Variants in LRP1B observed in about 807,000 individuals in gnomAD.
LRP1B encodes the protein low-density lipoprotein receptor-related protein 1B.
Under a neutral mutation model 556.6 loss-of-function variants are expected in LRP1B, and 217 were observed. The observed-to-expected ratio is 0.39, with a 90% confidence interval of 0.35 to 0.44. The LOEUF (loss-of-function observed/expected upper bound fraction) is 0.44, where lower values mean the gene tolerates loss of function less well. Among genes scored for constraint, LRP1B ranks in the 20% least tolerant of loss-of-function variants. The pLI is 1.00. For synonymous variants in LRP1B, 2,047 were observed against 1,865.8 expected (o/e 1.10, Z -2.50); for missense variants, 5,053 against 5,620.8 (o/e 0.90, Z 3.23).
At chr2:140,954,935 T>C (rs1006269925) in intron 18 of LRP1B, among the ~76,000 whole-genome samples, 8 of 151,996 alleles carry the variant, frequency 5.3e-5, no homozygotes, top group African/African-American at 1.9e-4. Flanking sequence ...AGAGAGTAAT[T>C]ATTTAAAGAG....
intron 7 of LRP1B, among the ~76,000 whole-genome samples, chr2:141,062,684 G>C (rs868401786): frequency 6.6e-6 from 1 of 151,744 alleles, no homozygotes; most frequent in African/African-American, 2.4e-5. Flanking sequence ...GGTAATGTTT[G>C]TGTCTTATAA....
Position 140,931,726 on chromosome 2 carries a change from TA to T in LRP1B, c.3137-8580del, listed in dbSNP as rs1229585878. Among the ~76,000 whole-genome samples, 14 of 152,268 alleles carry T rather than the reference TA, an allele frequency of 9.2e-5. No homozygotes were observed. The East Asian group carries it at 2.7e-3, about 29-fold the overall frequency. On this transcript the variant is annotated intron_variant, in intron 20 of 90. Transcript: ENST00000389484. ...TACATAAAACATTGATTTAGTTAAT[TA>T]AAATTTTATGTTTTGACATCTAGAA...
rs562793014 is a variant in LRP1B, at chr2:141,352,504, C to A, written c.344-97863G>T. Among the ~76,000 whole-genome samples, 6 of 151,932 alleles carry A rather than the reference C, an allele frequency of 3.9e-5. 1 individual carries two copies. In the Middle Eastern group the frequency reaches 0.01, roughly 258 times the overall value. Reference sequence around the variant, plus strand: ...ACATCTTATATAACCATAGAGTAAGCACCTTTTGGTTCTCAGAAAAGATGC... The same window carrying A: ...ACATCTTATATAACCATAGAGTAAGAACCTTTTGGTTCTCAGAAAAGATGC... On this transcript the variant is annotated intron_variant, in intron 3 of 90. Transcript: ENST00000389484.
intron 3 of LRP1B, among the ~76,000 whole-genome samples, chr2:141,342,217 C>G (rs1688089933): frequency 7.1e-6 from 1 of 140,344 alleles, no homozygotes. Context: ...GCACTCCAGC[C>G]AGGGTGACAG....
intron 1 of LRP1B, among the ~76,000 whole-genome samples, chr2:141,842,868 T>C (rs1697522897): frequency 6.6e-6 from 1 of 152,180 alleles, no homozygotes; most frequent in East Asian, 1.9e-4. Flanking sequence ...ATCAGTCGTA[T>C]TGATCACATT....
At chr2:142,095,795 T>G (rs965140154) in intron 1 of LRP1B, among the ~76,000 whole-genome samples, 3 of 151,818 alleles carry the variant, frequency 2.0e-5, no homozygotes, top group African/African-American at 7.2e-5. Context: ...AATGTGATTA[T>G]TTTTACAAGG....
intron 79 of LRP1B, 68 bp from the exon 80 acceptor site, chr2:140,325,946 GCTT>G (rs1371493583): frequency 5.1e-6 from 5 of 982,142 alleles, no homozygotes; most frequent in Non-Finnish European, 8.1e-6. Context: ...TCATACTTTT[GCTT>G]CTTATTGTAT....
At chr2:141,488,839 C>G (rs533706198) in intron 2 of LRP1B, among the ~76,000 whole-genome samples, 1 of 151,940 alleles carries the variant, frequency 6.6e-6, no homozygotes, top group Non-Finnish European at 1.5e-5. Flanking sequence ...GTAACAAGTG[C>G]CTTAAAAATT....
Position 141,146,862 on chromosome 2 carries a change from C to T in LRP1B, c.1013+41559G>A, listed in dbSNP as rs192843181. On this transcript the variant is annotated intron_variant, in intron 7 of 90. Coordinates refer to ENST00000389484, the MANE Select transcript of LRP1B (RefSeq NM_018557.3). Reference sequence around the variant, plus strand: ...ATGAAAACAGTAACAAGTAAAAAGACGAGCTGTGCTGGTTTCTCTCTATTT... The same window carrying T: ...ATGAAAACAGTAACAAGTAAAAAGATGAGCTGTGCTGGTTTCTCTCTATTT... Among the ~76,000 whole-genome samples the T allele has an allele frequency of 2.6e-4, 40 of 152,234 alleles. 1 individual carries two copies. The South Asian group carries it at 5.0e-3, about 19-fold the overall frequency.
intron 3 of LRP1B, among the ~76,000 whole-genome samples, chr2:141,391,556 G>A (rs750774679): frequency 6.6e-6 from 1 of 152,042 alleles, no homozygotes; most frequent in African/African-American, 2.4e-5. Flanking sequence ...CATACACCAT[G>A]GTAATTGATT....
chr2:140,336,529 G>T (rs559599542), intron 77 of LRP1B, among the ~76,000 whole-genome samples: 2 of 151,718 alleles, frequency 1.3e-5, no homozygotes, highest in Non-Finnish European at 2.9e-5. Context: ...AGCAATTTAC[G>T]ATCTTTTCAG....
intron 41 of LRP1B, among the ~76,000 whole-genome samples, chr2:140,651,895 G>A (rs888584379): frequency 1.3e-5 from 2 of 152,002 alleles, no homozygotes; most frequent in Non-Finnish European, 2.9e-5. Flanking sequence ...TAGATAACAT[G>A]GTTCTAACAT....
At chr2:140,737,656 C>T (rs572658017) in intron 35 of LRP1B, among the ~76,000 whole-genome samples, 1 of 152,288 alleles carries the variant, frequency 6.6e-6, no homozygotes, top group East Asian at 1.9e-4. Context: ...ACTATTCAAC[C>T]CAGATGGTCA....
At chr2:142,080,821 A>G (rs1266824660) in intron 1 of LRP1B, among the ~76,000 whole-genome samples, 1 of 152,176 alleles carries the variant, frequency 6.6e-6, no homozygotes, top group Non-Finnish European at 1.5e-5. Flanking sequence ...CACAGGTAAA[A>G]CAAGGAGGCT....
rs1173280427 is a variant in LRP1B, at chr2:142,130,818, A to G, written c.-89T>C. The G allele has an allele frequency of 5.0e-6, 5 of 996,762 alleles. No homozygotes were observed. The highest frequency in any genetic ancestry group is 4.1e-4 in the Middle Eastern group (2 of 4,832). The allele number at this position is 996,762 out of a possible 1,614,324, so 61.7% of individuals were successfully genotyped here. On this transcript the variant is annotated 5_prime_UTR_variant, in exon 1 of 91. Transcript: ENST00000389484. Reference sequence around the variant, plus strand: ...GGCGGCGGCGGCAGGGGCCGCTTGGAGCCTGGAATCGAGCGGCGTCATTTA... The same window carrying G: ...GGCGGCGGCGGCAGGGGCCGCTTGGGGCCTGGAATCGAGCGGCGTCATTTA...
chr2:140,893,439 A>G (rs1161718279), intron 23 of LRP1B, among the ~76,000 whole-genome samples: 3 of 152,194 alleles, frequency 2.0e-5, no homozygotes, highest in African/African-American at 7.2e-5. Context: ...GGGTCTTTGC[A>G]GTATTATGTA....
intron 3 of LRP1B, among the ~76,000 whole-genome samples, chr2:141,337,693 A>G (rs1687898816): frequency 6.6e-6 from 1 of 152,186 alleles, no homozygotes; most frequent in South Asian, 2.1e-4. Flanking sequence ...CCCAACCAGT[A>G]AGTTGTTAAT....
At chr2:140,440,448 C>T (rs1686375420) in intron 66 of LRP1B, among the ~76,000 whole-genome samples, 2 of 152,132 alleles carry the variant, frequency 1.3e-5, no homozygotes, top group Non-Finnish European at 2.9e-5. Context: ...CTTGGCATAA[C>T]ATGGTGAACC....
chr2:140,680,798 A>C (rs1685834290), intron 41 of LRP1B, among the ~76,000 whole-genome samples: 1 of 152,184 alleles, frequency 6.6e-6, no homozygotes, highest in African/African-American at 2.4e-5. Context: ...TCACAAAATG[A>C]GTAAGACGAA....
Sources: gnomAD v4.1 joint callset for allele counts (sites outside exome capture counted in the v4.1 genomes callset) on GRCh38, gnomAD v4.1.1 for gene constraint, MANE v1.5 for transcripts, NCBI Gene and HGNC (gene_info 2026-07-23, HGNC 2026-07-21) for gene names.